MROH1: variants seen among roughly 807,000 people sequenced by gnomAD.
The protein encoded by MROH1 is maestro heat like repeat family member 1.
Under a neutral mutation model 116.5 loss-of-function variants are expected in MROH1, and 117 were observed. That is an observed-to-expected ratio of 1.00 (90% CI 0.86 to 1.17). The LOEUF is 1.17. MROH1 is among the 50% of genes most tolerant of loss of function. MROH1 has a pLI of 0.00. For synonymous variants in MROH1, 921 were observed against 583.9 expected, an observed-to-expected ratio of 1.58 and a Z score of -8.32; for missense variants, 1,873 against 1,338.5, an observed-to-expected ratio of 1.40 and a Z score of -6.23.
At chr8:144,224,486 G>T (rs1217185371) in intron 14 of MROH1, among the ~76,000 whole-genome samples, 3 of 151,830 alleles carry the variant, frequency 2.0e-5, no homozygotes, top group Non-Finnish European at 4.4e-5. Flanking sequence ...GGTTGCTTTC[G>T]AACTCTTGAG....
intron 7 of MROH1, among the ~76,000 whole-genome samples, chr8:144,186,976 TAGTCCCAGCTACTCAGG>T (rs1827352586): frequency 6.6e-6 from 1 of 152,000 alleles, no homozygotes; most frequent in Non-Finnish European, 1.5e-5. Flanking sequence ...TGTGTGCCTA[TAGTCCCAGCTACTCAGG>T]AGGCTGAGGC....
intron 12 of MROH1, among the ~76,000 whole-genome samples, chr8:144,202,957 A>G (rs954822953): frequency 5.0e-5 from 2 of 40,398 alleles, no homozygotes; most frequent in Non-Finnish European, 9.0e-5. Flanking sequence ...AGGGGCGGGG[A>G]GGGGAGCGCC....
intron 14 of MROH1, among the ~76,000 whole-genome samples, chr8:144,237,099 G>T (rs1840175273): frequency 6.6e-6 from 1 of 151,534 alleles, no homozygotes; most frequent in Admixed American, 6.6e-5. Flanking sequence ...TAGAGACGGG[G>T]TTTCACCGTG....
At chr8:144,168,590 G>A (rs1230147188) in intron 4 of MROH1, 150 bp downstream of exon 4, 7 of 858,704 alleles carry the variant, frequency 8.2e-6, no homozygotes, top group Admixed American at 6.0e-5. Flanking sequence ...ACGTGCCTAT[G>A]TCAGGGTGGG....
intron 24 of MROH1, 97 bp downstream of exon 24, chr8:144,242,725 T>G: frequency 1.4e-6 from 1 of 717,432 alleles, no homozygotes; most frequent in Non-Finnish European, 2.6e-6. Flanking sequence ...GAGGGGGAGC[T>G]TGGAGCTTGC....
chr8:144,195,195 T>TAAAAAAAAAAAAAAAAA (rs561902621), intron 10 of MROH1, among the ~76,000 whole-genome samples: 712 of 11,664 alleles, frequency 0.061, 232 homozygotes, highest in Middle Eastern at 0.25. Flanking sequence ...ACTGTGTCTT[T>TAAAAAAAAAAAAAAAAA]AAAAAAAAAA....
chr8:144,228,525 G>A (rs1838232165), intron 14 of MROH1, among the ~76,000 whole-genome samples: 1 of 152,006 alleles, frequency 6.6e-6, no homozygotes, highest in East Asian at 1.9e-4. Flanking sequence ...GTGCAGTGGC[G>A]CAATATCAGC....
At chr8:144,253,548 G>A (rs1022116736) in intron 33 of MROH1, among the ~76,000 whole-genome samples, 10 of 152,308 alleles carry the variant, frequency 6.6e-5, no homozygotes, top group African/African-American at 1.2e-4. Flanking sequence ...CCTCAGCGAC[G>A]GCCACCGCGT....
intron 4 of MROH1, among the ~76,000 whole-genome samples, chr8:144,172,506 G>A (rs907268556): frequency 1.3e-5 from 2 of 151,620 alleles, no homozygotes; most frequent in African/African-American, 4.9e-5. Context: ...CCACCTCCTG[G>A]GTTCAAGCGA....
At chr8:144,239,256 A>G in intron 16 of MROH1, 67 bp from the exon 17 acceptor site, 1 of 581,804 alleles carries the variant, frequency 1.7e-6, no homozygotes, top group Non-Finnish European at 3.2e-6. Context: ...CCCATCCTCC[A>G]GTTCCTGACA....
intron 10 of MROH1, among the ~76,000 whole-genome samples, chr8:144,196,657 C>A (rs921698576): frequency 6.6e-5 from 10 of 151,768 alleles, no homozygotes; most frequent in Non-Finnish European, 1.3e-4. Flanking sequence ...GTGCCCAGCC[C>A]CCTATGCTTT....
intron 4 of MROH1, among the ~76,000 whole-genome samples, chr8:144,169,310 AG>A (rs1821819618): frequency 6.6e-6 from 1 of 152,190 alleles, no homozygotes; most frequent in South Asian, 2.1e-4. Flanking sequence ...CTCCTGGGGA[AG>A]ATGACCCAGT....
chr8:144,226,598 G>A (rs746840062), intron 14 of MROH1, among the ~76,000 whole-genome samples: 9 of 152,106 alleles, frequency 5.9e-5, no homozygotes, highest in South Asian at 2.1e-4. Flanking sequence ...GATTATAGGC[G>A]TGTACCACCA....
intron 35 of MROH1, among the ~76,000 whole-genome samples, chr8:144,256,045 T>A (rs1843698484): frequency 6.6e-6 from 1 of 152,136 alleles, no homozygotes; most frequent in Non-Finnish European, 1.5e-5. Context: ...GTGGAGTCTT[T>A]GGGGTATAGG....
chr8:144,253,320 G>A (rs1025966020), intron 33 of MROH1, among the ~76,000 whole-genome samples: 1 of 152,240 alleles, frequency 6.6e-6, no homozygotes, highest in Non-Finnish European at 1.5e-5. Flanking sequence ...TAAAGCTTCC[G>A]GAAGCAGCCG....
At chr8:144,162,724 T>C (rs1025914543) in intron 2 of MROH1, among the ~76,000 whole-genome samples, 11 of 150,954 alleles carry the variant, frequency 7.3e-5, no homozygotes, top group African/African-American at 2.7e-4. Flanking sequence ...TTCTTTCTTT[T>C]GTTTTTTTTT....
intron 13 of MROH1, among the ~76,000 whole-genome samples, chr8:144,221,455 G>C (rs1836723191): frequency 6.6e-6 from 1 of 152,106 alleles, no homozygotes; most frequent in Non-Finnish European, 1.5e-5. Flanking sequence ...AGGTTACCCA[G>C]GGGCTGCTGT....
At chr8:144,185,952 C>A in intron 7 of MROH1, among the ~76,000 whole-genome samples, 1 of 151,658 alleles carries the variant, frequency 6.6e-6, no homozygotes, top group Non-Finnish European at 1.5e-5. Context: ...CAGCAAGGGC[C>A]GCCGAGGGGA....
At chr8:144,242,945 A>C (rs1347752546) in intron 24 of MROH1, among the ~76,000 whole-genome samples, 1 of 151,908 alleles carries the variant, frequency 6.6e-6, no homozygotes, top group Non-Finnish European at 1.5e-5. Flanking sequence ...CCCAGTGCTC[A>C]TGGGGGCTGT....
Sources: gnomAD v4.1 joint callset for allele counts (sites outside exome capture counted in the v4.1 genomes callset) on GRCh38, gnomAD v4.1.1 for gene constraint, MANE v1.5 for transcripts, NCBI Gene and HGNC (gene_info 2026-07-23, HGNC 2026-07-21) for gene names.